PIGN: variants seen among roughly 807,000 people sequenced by gnomAD.
PIGN encodes GPI ethanolamine phosphate transferase 1.
Under a neutral mutation model 125.4 loss-of-function variants are expected in PIGN, and 117 were observed. That is an observed-to-expected ratio of 0.93 (90% confidence interval 0.80 to 1.09). PIGN has a LOEUF of 1.09. Among genes scored for constraint, PIGN ranks in the 50% least tolerant of loss-of-function variants. PIGN has a pLI of 0.00. For missense variants in PIGN, 1,075 were observed against 1,094.9 expected (o/e 0.98, Z 0.26); for synonymous variants, 392 against 377.8 (o/e 1.04, Z -0.44).
chr18:62,139,139 A>G (rs908487021), intron 12 of PIGN, 64 bp from the exon 13 acceptor site: 1 of 931,594 alleles, frequency 1.1e-6, no homozygotes, highest in Non-Finnish European at 1.7e-6. Flanking sequence ...CTTATAAAAC[A>G]AAACAGACTT....
intron 22 of PIGN, among the ~76,000 whole-genome samples, chr18:62,098,647 A>G (rs909547515): frequency 2.0e-5 from 3 of 152,170 alleles, no homozygotes; most frequent in Admixed American, 6.5e-5. Context: ...ATGCTCATTA[A>G]AGCTAGACCA....
At chr18:62,178,714 T>A (rs560323661) in intron 1 of PIGN, among the ~76,000 whole-genome samples, 1 of 152,262 alleles carries the variant, frequency 6.6e-6, no homozygotes, top group South Asian at 2.1e-4. Context: ...TTCATTTGCT[T>A]ATTATTCTGG....
chr18:62,038,963 G>A (rs1410222543), downstream of PIGN, among the ~76,000 whole-genome samples: 1 of 145,646 alleles, frequency 6.9e-6, no homozygotes, highest in Non-Finnish European at 1.5e-5. Context: ...AATAATAATA[G>A]CTACAATAAT....
At chr18:62,107,839 A>T (rs1467859529) in intron 17 of PIGN, among the ~76,000 whole-genome samples, 1 of 152,190 alleles carries the variant, frequency 6.6e-6, no homozygotes, top group East Asian at 1.9e-4. Flanking sequence ...GTTAGAGAAA[A>T]ATCTTAATTA....
intron 30 of PIGN, chr18:62,070,294 G>C (rs567307943): frequency 2.5e-6 from 1 of 395,890 alleles, no homozygotes; most frequent in Non-Finnish European, 4.4e-6. Flanking sequence ...GAGAGGGCTG[G>C]GAAGCAGAAG....
In PIGN at chr18:62,066,287, T is replaced by C. The variant is rs375552372; in HGVS notation, c.2672+6386A>G. Among the ~76,000 whole-genome samples, 6 of 152,302 alleles carry C rather than the reference T, an allele frequency of 3.9e-5. No homozygotes were observed. In the East Asian group the frequency reaches 9.6e-4, roughly 24 times the overall value. The stretch of plus-strand genomic sequence containing the variant: ...GCTTCCCCATTCACAAGTGCATCCT[T>C]TAAGATCAGCTCAACCACTGATCGA... On this transcript the variant is annotated intron_variant, in intron 30 of 30. Transcript: ENST00000640252.
chr18:62,176,912 C>T (rs1173178093), intron 1 of PIGN, among the ~76,000 whole-genome samples: 1 of 151,846 alleles, frequency 6.6e-6, no homozygotes, highest in African/African-American at 2.4e-5. Context: ...TACTGGAACT[C>T]TGTACTGTTT....
intron 1 of PIGN, among the ~76,000 whole-genome samples, chr18:62,183,288 ACC>A (rs1237758075): frequency 2.0e-5 from 3 of 151,892 alleles, no homozygotes. Context: ...GTGCCTTTTC[ACC>A]TACTAATCTA....
At chr18:62,174,161 C>T (rs898637437) in intron 1 of PIGN, among the ~76,000 whole-genome samples, 1 of 151,622 alleles carries the variant, frequency 6.6e-6, no homozygotes, top group African/African-American at 2.4e-5. Flanking sequence ...TTACAGTGAA[C>T]CAAGATCATG....
intron 14 of PIGN, among the ~76,000 whole-genome samples, chr18:62,123,055 C>A (rs2035367796): frequency 6.6e-6 from 1 of 152,062 alleles, no homozygotes; most frequent in Admixed American, 6.6e-5. Flanking sequence ...AGGAGGATTG[C>A]TTGAGGCCAG....
At chr18:62,084,647 C>G in intron 26 of PIGN, 41 bp from the exon 27 acceptor site, 1 of 1,192,558 alleles carries the variant, frequency 8.4e-7, no homozygotes, top group Non-Finnish European at 1.2e-6. Flanking sequence ...AGAATTCACT[C>G]TGTAACTTTA....
At chr18:62,055,919 T>C (rs1166612391) in intron 30 of PIGN, among the ~76,000 whole-genome samples, 1 of 151,338 alleles carries the variant, frequency 6.6e-6, no homozygotes, top group Non-Finnish European at 1.5e-5. Context: ...ACTTAATCAA[T>C]ATTTGTTAAA....
intron 25 of PIGN, among the ~76,000 whole-genome samples, chr18:62,086,252 A>G (rs1389412634): frequency 1.3e-5 from 2 of 152,254 alleles, no homozygotes; most frequent in Non-Finnish European, 2.9e-5. Flanking sequence ...CTTGACAGAT[A>G]GGAACTTAGA....
At chr18:62,097,295 T>C (rs2034249656) in intron 22 of PIGN, among the ~76,000 whole-genome samples, 1 of 132,344 alleles carries the variant, frequency 7.6e-6, no homozygotes, top group Admixed American at 8.0e-5. Flanking sequence ...AAAGAAGACA[T>C]TTATGCAGCC....
chr18:62,142,370 T>G (rs1195414681), intron 11 of PIGN, among the ~76,000 whole-genome samples: 1 of 152,252 alleles, frequency 6.6e-6, no homozygotes, highest in African/African-American at 2.4e-5. Flanking sequence ...AATTGCTGAT[T>G]ATGATCTGGT....
chr18:62,110,390 G>C (rs1322463919), intron 16 of PIGN, among the ~76,000 whole-genome samples: 1 of 152,114 alleles, frequency 6.6e-6, no homozygotes, highest in Non-Finnish European at 1.5e-5. Context: ...ATCTATTCAA[G>C]CTCCAATGTG....
At chr18:62,171,999 T>C (rs2037360167) in intron 1 of PIGN, among the ~76,000 whole-genome samples, 1 of 152,168 alleles carries the variant, frequency 6.6e-6, no homozygotes, top group African/African-American at 2.4e-5. Flanking sequence ...TTGTACTTTT[T>C]GGAAGAGTTT....
At chr18:62,147,957 T>TC (rs1347547406) in intron 8 of PIGN, among the ~76,000 whole-genome samples, 11 of 152,078 alleles carry the variant, frequency 7.2e-5, no homozygotes, top group Non-Finnish European at 1.5e-4. Flanking sequence ...ATAATTTTTT[T>TC]CTCTGCTTCA....
intron 1 of PIGN, among the ~76,000 whole-genome samples, chr18:62,180,685 G>GTA (rs2037686797): frequency 6.6e-6 from 1 of 151,854 alleles, no homozygotes; most frequent in Non-Finnish European, 1.5e-5. Flanking sequence ...ATAGGATTAG[G>GTA]GTTATTGACC....
Sources: allele counts gnomAD v4.1 joint callset (sites outside exome capture counted in the v4.1 genomes callset), GRCh38; gene constraint gnomAD v4.1.1; transcripts MANE v1.5; gene names NCBI Gene and HGNC (gene_info 2026-07-23, HGNC 2026-07-21).